Variants in PAH observed in about 807,000 individuals in gnomAD.
PAH encodes the protein phenylalanine-4-hydroxylase.
PAH carries 64 observed loss-of-function variants against 62.0 expected under a neutral mutation model. The ratio of observed to expected loss-of-function variants is 1.03; its 90% CI spans 0.84 to 1.27. PAH has a LOEUF of 1.27. Among genes scored for constraint, PAH ranks in the 50% most tolerant of loss-of-function variants. The pLI is 0.00. For synonymous variants in PAH, 195 were observed against 196.2 expected (o/e 0.99, Z 0.05); for missense variants, 579 against 542.8 (o/e 1.07, Z -0.66).
intron 3 of PAH, among the ~76,000 whole-genome samples, chr12:102,878,953 A>T (rs550228356): frequency 6.6e-6 from 1 of 152,294 alleles, no homozygotes; most frequent in African/African-American, 2.4e-5. Flanking sequence ...AAAAGAATCC[A>T]GAGAGCCAAA....
At chr12:102,955,652 GTGGTCT>G (rs1879888658), upstream of PAH, among the ~76,000 whole-genome samples, 1 of 152,226 alleles carries the variant, frequency 6.6e-6, no homozygotes, top group African/African-American at 2.4e-5. Context: ...ATTTCTGCAA[GTGGTCT>G]GAGGCTTACT....
intron 1 of PAH, among the ~76,000 whole-genome samples, chr12:102,925,519 G>A (rs986420827): frequency 6.6e-6 from 1 of 152,062 alleles, no homozygotes; most frequent in Non-Finnish European, 1.5e-5. Context: ...TAAGAGACAC[G>A]GATTGATATT....
At chr12:102,937,770 C>T (rs551523261) in intron 1 of PAH, among the ~76,000 whole-genome samples, 176 of 152,206 alleles carry the variant, frequency 1.2e-3, no homozygotes, top group Non-Finnish European at 2.0e-3. Flanking sequence ...GTAAGTTTTT[C>T]ACCTTCAGAT....
At chr12:102,909,251 A>G (rs1395960286) in intron 2 of PAH, among the ~76,000 whole-genome samples, 1 of 152,150 alleles carries the variant, frequency 6.6e-6, no homozygotes, top group Non-Finnish European at 1.5e-5. Context: ...TTCCTCAATT[A>G]GGATTCATTT....
At chr12:102,908,329 T>A (rs1162897622) in intron 2 of PAH, among the ~76,000 whole-genome samples, 1 of 152,228 alleles carries the variant, frequency 6.6e-6, no homozygotes, top group Non-Finnish European at 1.5e-5. Context: ...GAAAACATTC[T>A]GTTCATTTAC....
chr12:102,952,058 C>A (rs1185543972), upstream of PAH, among the ~76,000 whole-genome samples: 1 of 152,092 alleles, frequency 6.6e-6, no homozygotes, highest in Non-Finnish European at 1.5e-5. Flanking sequence ...GACTCAAGAG[C>A]GCTTTTTCTT....
Position 102,886,427 on chromosome 12 carries a change from CCCTCCCAATAT to C in PAH, c.352+8297_352+8307del, listed in dbSNP as rs1877047405. 4.6e-5 allele frequency among the ~76,000 whole-genome samples: 7 copies of C among 152,286 alleles called. No homozygotes were observed. In the South Asian group the frequency reaches 1.5e-3, roughly 32 times the overall value. ...CAACCACCCACCTAAATTACAACTACCCTCCCAATATCCTTTTTAAGATACTATGTATCTCA... is the reference window on the plus strand; with the variant it reads ...CAACCACCCACCTAAATTACAACTACCCTTTTTAAGATACTATGTATCTCA... On this transcript the variant is annotated intron_variant, in intron 3 of 12. Transcript: ENST00000553106.
intron 1 of PAH, among the ~76,000 whole-genome samples, chr12:102,946,385 C>A (rs542089972): frequency 4.6e-5 from 7 of 152,312 alleles, no homozygotes; most frequent in Middle Eastern, 3.4e-3. Flanking sequence ...TTCTTTAGTA[C>A]CCAAGAGCTG....
chr12:102,908,837 C>CTTTTT (rs3062641), intron 2 of PAH, among the ~76,000 whole-genome samples: 35 of 119,986 alleles, frequency 2.9e-4, no homozygotes, highest in Non-Finnish European at 4.4e-4. Flanking sequence ...CCTCATGTCT[C>CTTTTT]TTTTTTTTTT....
chr12:102,871,420 C>T (rs931560099), intron 4 of PAH, among the ~76,000 whole-genome samples: 7 of 152,264 alleles, frequency 4.6e-5, no homozygotes, highest in African/African-American at 9.6e-5. Context: ...CTTCCCCACT[C>T]GTTTAGACCA....
chr12:102,906,546 T>C (rs1490179000), intron 2 of PAH, among the ~76,000 whole-genome samples: 1 of 152,262 alleles, frequency 6.6e-6, no homozygotes. Context: ...CTGATCTATA[T>C]GTATCAGCAT....
chr12:102,852,974 A>C (rs1430083259), intron 6 of PAH, 24 bp from the exon 7 acceptor site: 5 of 1,613,196 alleles, frequency 3.1e-6, no homozygotes, highest in Non-Finnish European at 2.5e-6. Flanking sequence ...AAGAAAGAAA[A>C]CTCAAAGCTC....
At chr12:102,895,854 CAAAAA>C (rs780516168) in intron 2 of PAH, among the ~76,000 whole-genome samples, 1 of 105,000 alleles carries the variant, frequency 9.5e-6, no homozygotes, top group South Asian at 3.1e-4. Context: ...GACTCTGTCT[CAAAAA>C]AAAAAAAAAA....
intron 1 of PAH, among the ~76,000 whole-genome samples, chr12:102,922,912 A>T (rs1232868100): frequency 6.6e-6 from 1 of 152,238 alleles, no homozygotes; most frequent in East Asian, 1.9e-4. Context: ...CAGAAAAAAA[A>T]CCAGATATAA....
chr12:102,920,719 A>G (rs1393907955), upstream of PAH, among the ~76,000 whole-genome samples: 1 of 152,160 alleles, frequency 6.6e-6, no homozygotes, highest in African/African-American at 2.4e-5. Flanking sequence ...GTTTGTGCGT[A>G]TATGTATTTT....
At position 102,852,875 on chromosome 12, in the gene PAH, C is replaced by T. The variant is rs5030849; in HGVS notation, c.782G>A (p.Arg261Gln). Residue 261 changes from arginine (R) to glutamine (Q), a missense_variant, in exon 7 of 13, where the codon CGA (arginine) becomes CAA (glutamine). Physicochemically the swap from Arg to Gln is conservative, Grantham distance 43 (BLOSUM62 1). Coordinates refer to ENST00000553106, the MANE Select transcript of PAH (RefSeq NM_000277.3). ...GATGTACTGTGTGCAGTGGAAGACT[C>T]GGAAGGCCAGGCCACCCAAGAAATC... ...SRDFLGGLAF[R>Q]VFHCTQYIRH... 373 of 1,614,000 alleles carry T rather than the reference C, an allele frequency of 2.3e-4. No homozygotes were observed. The highest frequency in any genetic ancestry group is 2.7e-4 in the Non-Finnish European group (317 of 1,179,992).
chr12:102,912,954 CT>C, intron 1 of PAH, 56 bp from the exon 2 acceptor site: 1 of 1,161,510 alleles, frequency 8.6e-7, no homozygotes, highest in Non-Finnish European at 1.3e-6. Flanking sequence ...CAATTCATTC[CT>C]GTTAAACCTC....
intron 1 of PAH, among the ~76,000 whole-genome samples, chr12:102,922,556 G>T (rs73393513): frequency 0.032 from 4,821 of 152,264 alleles, 266 homozygotes; most frequent in African/African-American, 0.11. Flanking sequence ...GTTTACTACA[G>T]GAAGACCTTA....
At chr12:102,860,519 T>C (rs1875669312) in intron 5 of PAH, among the ~76,000 whole-genome samples, 1 of 151,900 alleles carries the variant, frequency 6.6e-6, no homozygotes, top group South Asian at 2.1e-4. Context: ...ATAGCCCGCA[T>C]TGCCAAGACA....
Sources: allele counts gnomAD v4.1 joint callset (sites outside exome capture counted in the v4.1 genomes callset), GRCh38; gene constraint gnomAD v4.1.1; transcripts MANE v1.5; gene names NCBI Gene and HGNC (gene_info 2026-07-23, HGNC 2026-07-21).